SLC1A3: variants seen among roughly 807,000 people sequenced by gnomAD.
SLC1A3 encodes solute carrier family 1 member 3.
SLC1A3 carries 21 observed loss-of-function variants against 48.1 expected under a neutral mutation model. The observed-to-expected ratio is 0.44, with a 90% CI of 0.31 to 0.63. The LOEUF (loss-of-function observed/expected upper bound fraction) is 0.63, where lower values mean the gene tolerates loss of function less well. Ranked by LOEUF, SLC1A3 falls within the 20% of genes least tolerant of loss-of-function variation. The pLI is 0.08. For synonymous variants in SLC1A3, 239 were observed against 251.4 expected, an observed-to-expected ratio of 0.95 and a Z score of 0.47; for missense variants, 546 against 689.0, an observed-to-expected ratio of 0.79 and a Z score of 2.32.
At chr5:36,624,201 C>T (rs1036455443) in intron 2 of SLC1A3, among the ~76,000 whole-genome samples, 4 of 152,184 alleles carry the variant, frequency 2.6e-5, no homozygotes, top group Non-Finnish European at 2.9e-5. Flanking sequence ...TAGCTGTTGA[C>T]TTCGTTAAGT....
In SLC1A3 at chr5:36,686,174, T is replaced by C. The variant is rs1364928922; in HGVS notation, c.1534T>C (p.Ser512Pro). The C allele has an allele frequency of 6.2e-7, 1 of 1,613,996 alleles. No individual in the cohort carries two copies. Residue 512 changes from serine to proline, a missense_variant, in exon 10 of 10, where the codon TCA becomes CCA. Ser to Pro is a moderately conservative substitution (Grantham distance 74). Transcript: ENST00000265113. ...GAACAGAGATGTTGAAATGGGTAAC[T>C]CAGTGATTGAAGAGAATGAAATGAA... ...LKNRDVEMGN[S>P]VIEENEMKKP...
chr5:36,661,309 G>A (rs1009269721), intron 3 of SLC1A3, among the ~76,000 whole-genome samples: 43 of 152,188 alleles, frequency 2.8e-4, no homozygotes, highest in African/African-American at 1.0e-3. Context: ...CTACTTGGGA[G>A]GCTGAGGCAG....
In SLC1A3 at chr5:36,634,287, TATAAATAA is replaced by T. The variant is rs60704367; in HGVS notation, c.319+4720_319+4727del. On this transcript the variant is annotated intron_variant, in intron 3 of 9. Transcript: ENST00000265113. The stretch of plus-strand genomic sequence containing the variant: ...TGAGGCTCTGTCTCAAAAAAAGAAA[TATAAATAA>T]ATAAATAAATAAATAAATAGAGGGG... 7.1e-3 allele frequency among the ~76,000 whole-genome samples: 1,068 copies of T among 149,974 alleles called. 17 individuals are homozygous for T. The highest frequency in any genetic ancestry group is 0.025 in the African/African-American group (1,022 of 40,378).
At chr5:36,666,528 T>C (rs902738554) in intron 3 of SLC1A3, 2 of 152,172 alleles carry the variant, frequency 1.3e-5, no homozygotes, top group African/African-American at 2.4e-5. Context: ...GGGAAGACAA[T>C]TCAAAACAGA....
At chr5:36,636,045 T>TG (rs1740331233) in intron 3 of SLC1A3, 1 of 137,724 alleles carries the variant, frequency 7.3e-6, no homozygotes, top group South Asian at 2.4e-4. Flanking sequence ...AATTAAATGT[T>TG]TGTGTGTGTG....
chr5:36,681,097 T>C (rs1216750633), intron 8 of SLC1A3, among the ~76,000 whole-genome samples: 2 of 152,148 alleles, frequency 1.3e-5, no homozygotes, highest in African/African-American at 4.8e-5. Context: ...AATATAAATA[T>C]GTATAAAGTA....
chr5:36,677,125 G>A lies in SLC1A3; in HGVS notation c.801G>A (p.Leu267=), dbSNP rs1040061193. ...IGNMKEQGQA[L]REFFDSLNEA... is the part of the protein sequence containing the mutation. ...ACATGAAGGAACAGGGGCAGGCCCT[G>A]AGAGAGTTCTTTGATTCTCTTAACG... The change falls in exon 6 of 10, where the codon CTG becomes CTA. Residue 267 remains leucine, a synonymous_variant. Coordinates refer to ENST00000265113, the MANE Select transcript of SLC1A3 (RefSeq NM_004172.5). The A allele has an allele frequency of 3.1e-6, 5 of 1,614,144 alleles. No individual in the cohort carries two copies. Among genetic ancestry groups the A allele is most frequent in the Non-Finnish European group, 3.4e-6 (4 of 1,179,974 alleles).
intron 2 of SLC1A3, among the ~76,000 whole-genome samples, chr5:36,617,049 C>A (rs181782664): frequency 6.6e-6 from 1 of 152,296 alleles, no homozygotes; most frequent in Admixed American, 6.5e-5. Context: ...AGGAGCTTGT[C>A]ATCTTTGCAG....
At chr5:36,641,283 T>A (rs965264405) in intron 3 of SLC1A3, among the ~76,000 whole-genome samples, 1 of 152,214 alleles carries the variant, frequency 6.6e-6, no homozygotes, top group Admixed American at 6.5e-5. Flanking sequence ...AATTCTAAAA[T>A]GTATTGTAGT....
At chr5:36,608,075 C>CT (rs1198497396) in intron 1 of SLC1A3, 3 of 239,814 alleles carry the variant, frequency 1.3e-5, no homozygotes, top group African/African-American at 6.8e-5. Context: ...CTGAAGAACC[C>CT]TTTTATAGCC....
intron 2 of SLC1A3, among the ~76,000 whole-genome samples, chr5:36,614,054 G>A (rs1342446128): frequency 6.6e-6 from 1 of 152,132 alleles, no homozygotes; most frequent in East Asian, 1.9e-4. Flanking sequence ...ATGTGCTCTG[G>A]AGTCAGACAG....
At chr5:36,603,065 T>G (rs1241459478), upstream of SLC1A3, among the ~76,000 whole-genome samples, 1 of 152,212 alleles carries the variant, frequency 6.6e-6, no homozygotes, top group Admixed American at 6.5e-5. Flanking sequence ...CTTCAAGGCT[T>G]TGCATTTTAC....
At chr5:36,618,969 A>T (rs922616028) in intron 2 of SLC1A3, among the ~76,000 whole-genome samples, 13 of 152,218 alleles carry the variant, frequency 8.5e-5, no homozygotes, top group African/African-American at 3.1e-4. Flanking sequence ...GGCCTTTCTT[A>T]AAACTCCAAG....
At chr5:36,640,082 A>C (rs1248458353) in intron 3 of SLC1A3, among the ~76,000 whole-genome samples, 1 of 152,202 alleles carries the variant, frequency 6.6e-6, no homozygotes, top group Non-Finnish European at 1.5e-5. Context: ...TTCTGTGGCC[A>C]TGTCATGAAT....
chr5:36,612,354 G>A (rs1739237149), intron 2 of SLC1A3, among the ~76,000 whole-genome samples: 2 of 152,188 alleles, frequency 1.3e-5, no homozygotes, highest in Non-Finnish European at 1.5e-5. Context: ...TCAGTGGAGG[G>A]AGGATCACTT....
chr5:36,601,670 C>G (rs559321887), upstream of SLC1A3, among the ~76,000 whole-genome samples: 43 of 152,266 alleles, frequency 2.8e-4, no homozygotes, highest in African/African-American at 9.4e-4. Context: ...CAGGGAGCTA[C>G]CTGGGGGCAA....
At chr5:36,636,462 C>CT (rs370196086) in intron 3 of SLC1A3, 2 of 67,506 alleles carry the variant, frequency 3.0e-5, no homozygotes, top group African/African-American at 1.2e-4. Flanking sequence ...TTCTTTCTTT[C>CT]TTTTCTTTCT....
chr5:36,636,487 C>CTTTCT (rs1740377293), intron 3 of SLC1A3: 1 of 144,454 alleles, frequency 6.9e-6, no homozygotes. Flanking sequence ...TTCTTTCTTT[C>CTTTCT]TTTCTTTCTT....
chr5:36,671,747 A>T (rs1443568698), intron 4 of SLC1A3, among the ~76,000 whole-genome samples: 1 of 152,198 alleles, frequency 6.6e-6, no homozygotes, highest in Non-Finnish European at 1.5e-5. Context: ...ATGGAGAAAG[A>T]ATTTGGCAGG....
Sources: allele counts gnomAD v4.1 joint callset (sites outside exome capture counted in the v4.1 genomes callset), GRCh38; gene constraint gnomAD v4.1.1; transcripts MANE v1.5; gene names NCBI Gene and HGNC (gene_info 2026-07-23, HGNC 2026-07-21).